Variants in MCM8 observed in about 807,000 individuals in gnomAD.
MCM8 encodes minichromosome maintenance 8 homologous recombination repair factor, also known as DNA helicase MCM8.
Under a neutral mutation model 98.9 loss-of-function variants are expected in MCM8, and 85 were observed. That is an observed-to-expected ratio of 0.86 (90% CI 0.72 to 1.03). The LOEUF (loss-of-function observed/expected upper bound fraction) is 1.03. MCM8 is among the 50% of genes least tolerant of loss of function. The pLI is 0.00. For missense variants in MCM8, 951 were observed against 997.8 expected (o/e 0.95, Z 0.63); for synonymous variants, 352 against 338.6 (o/e 1.04, Z -0.44).
intron 13 of MCM8, among the ~76,000 whole-genome samples, chr20:5,978,692 G>T (rs577882378): frequency 6.6e-6 from 1 of 152,088 alleles, no homozygotes; most frequent in Admixed American, 6.6e-5. Context: ...TGAGTAGCTG[G>T]GATTACAGGT....
chr20:5,994,345 A>T lies in MCM8; in HGVS notation c.2477A>T (p.Tyr826Phe), dbSNP rs1449871239. ...NFIGSLNDQG[Y>F]LLKKGPKVYQ... ...ATTGGATCACTAAATGACCAGGGTT[A>T]CCTCTTGAAAAAAGGCCCAAAAGTT... The change falls in exon 19 of 19, where the codon TAC (tyrosine) becomes TTC (phenylalanine). Residue 826 changes from tyrosine (Y) to phenylalanine (F), a missense_variant. Coordinates refer to ENST00000610722, the MANE Select transcript of MCM8 (RefSeq NM_032485.6). The T allele has an allele frequency of 4.3e-6, 7 of 1,609,806 alleles. No individual in the cohort carries two copies. Among genetic ancestry groups the T allele is most frequent in the African/African-American group, 2.7e-5 (2 of 74,568 alleles).
At chr20:5,951,731 GGTACA>G (rs533187311) in intron 1 of MCM8, among the ~76,000 whole-genome samples, 140 of 152,228 alleles carry the variant, frequency 9.2e-4, no homozygotes, top group Middle Eastern at 6.8e-3. Context: ...CTTGTAAACA[GGTACA>G]GTACCTGTCC....
intron 7 of MCM8, among the ~76,000 whole-genome samples, chr20:5,960,733 G>A (rs2089120744): frequency 6.6e-6 from 1 of 151,992 alleles, no homozygotes; most frequent in Admixed American, 6.6e-5. Flanking sequence ...GTCAGGAGTT[G>A]AAGACCAGCC....
Position 5,987,266 on chromosome 20 carries a change from G to T in MCM8, c.2164-16G>T, listed in dbSNP as rs201764220. The T allele has an allele frequency of 1.4e-3, 2,262 of 1,608,828 alleles. 4 individuals are homozygous for T. The highest frequency in any genetic ancestry group is 1.7e-3 in the Non-Finnish European group (1,965 of 1,177,146). On this transcript the variant is annotated splice_polypyrimidine_tract_variant and intron_variant, in intron 16 of 18. Coordinates refer to ENST00000610722, the MANE Select transcript of MCM8 (RefSeq NM_032485.6). The stretch of plus-strand genomic sequence containing the variant: ...ATTCATCTTTCGTCATCTGAAAATG[G>T]TGTTTTCTTTTAAAGGCACGAGCAA...
chr20:5,983,249 G>C, intron 14 of MCM8, 84 bp downstream of exon 14: 2 of 1,171,580 alleles, frequency 1.7e-6, no homozygotes, highest in South Asian at 3.3e-5. Context: ...CAGAACTACA[G>C]GGGAAAAACA....
intron 11 of MCM8, chr20:5,972,680 G>C (rs1290748799): frequency 7.3e-6 from 8 of 1,101,954 alleles, no homozygotes; most frequent in Non-Finnish European, 9.8e-6. Flanking sequence ...TCAGCCTGCC[G>C]AGTAGCTGGG....
chr20:5,953,482 A>AT (rs542571484), intron 3 of MCM8, among the ~76,000 whole-genome samples: 13 of 138,024 alleles, frequency 9.4e-5, no homozygotes, highest in Middle Eastern at 3.7e-3. Context: ...CATACTTTTT[A>AT]TTTTTTTTTG....
chr20:5,982,113 A>G (rs1296230150), intron 13 of MCM8, among the ~76,000 whole-genome samples: 6 of 152,190 alleles, frequency 3.9e-5, no homozygotes, highest in Non-Finnish European at 7.3e-5. Flanking sequence ...AATAAACTAA[A>G]GGCACTGTAT....
At chr20:5,975,289 T>G (rs1365944367) in intron 12 of MCM8, among the ~76,000 whole-genome samples, 2 of 151,752 alleles carry the variant, frequency 1.3e-5, no homozygotes, top group Non-Finnish European at 2.9e-5. Flanking sequence ...ACATTATGTT[T>G]AGAATATGTA....
chr20:5,988,596 T>C (rs898711853), intron 17 of MCM8, among the ~76,000 whole-genome samples: 34 of 152,336 alleles, frequency 2.2e-4, no homozygotes, highest in African/African-American at 7.9e-4. Flanking sequence ...TTTTTCCCCT[T>C]TGTAGACAAA....
At position 5,995,085 on chromosome 20, in the gene MCM8, A is replaced by G. The variant is rs1332774458; in HGVS notation, c.*694A>G. The G allele has an allele frequency of 6.4e-6, 1 of 156,342 alleles. No individual in the cohort carries two copies. The highest frequency in any genetic ancestry group is 1.4e-5 in the Non-Finnish European group (1 of 70,492). 9.7% of individuals were successfully genotyped at this position (156,342 alleles called of 1,614,324 possible). A position where few individuals can be genotyped will look rare whatever the true frequency, so the allele number is the denominator to read the frequency against. On this transcript the variant is annotated 3_prime_UTR_variant, in exon 19 of 19. Transcript: ENST00000610722. ...CAGATGTAGGCATACAGACAAATAC[A>G]TAAACCAATGAATATATTACATATT...
At chr20:5,980,204 T>C (rs543259641) in intron 13 of MCM8, among the ~76,000 whole-genome samples, 30 of 152,272 alleles carry the variant, frequency 2.0e-4, no homozygotes, top group African/African-American at 7.2e-4. Flanking sequence ...TAGCAGACCT[T>C]ATTTTCCTTA....
intron 17 of MCM8, among the ~76,000 whole-genome samples, chr20:5,990,242 T>A (rs1255727413): frequency 6.6e-6 from 1 of 151,962 alleles, no homozygotes; most frequent in African/African-American, 2.4e-5. Flanking sequence ...GCCCAGCTAA[T>A]TTTTTTGTAT....
intron 17 of MCM8, among the ~76,000 whole-genome samples, chr20:5,989,208 C>G (rs79871529): frequency 0.011 from 1,637 of 151,036 alleles, 30 homozygotes; most frequent in African/African-American, 0.036. Context: ...CCTGCGCCCC[C>G]TGGGTTCAAG....
Position 5,995,421 on chromosome 20 carries a change from A to G in MCM8, c.*1030A>G, listed in dbSNP as rs1165562582. ...TTGGACTAAGGAAGAAGCTGCTGAC[A>G]CTCCACTGCCACACAGGGCACTGGA... On this transcript the variant is annotated 3_prime_UTR_variant, in exon 19 of 19. Transcript: ENST00000610722. 2 of 152,174 alleles carry G rather than the reference A, an allele frequency of 1.3e-5. No homozygotes were observed. The highest frequency in any genetic ancestry group is 3.9e-4 in the East Asian group (2 of 5,176). 9.4% of individuals were successfully genotyped at this position (152,174 alleles called of 1,614,324 possible).
chr20:5,980,551 A>G (rs1028364078), intron 13 of MCM8, among the ~76,000 whole-genome samples: 2 of 152,222 alleles, frequency 1.3e-5, no homozygotes, highest in Admixed American at 1.3e-4. Flanking sequence ...GATGATACTC[A>G]TGAAACCATG....
chr20:5,952,029 A>T lies in MCM8; in HGVS notation c.14A>T (p.Tyr5Phe), dbSNP rs756769384. 1.5e-5 allele frequency: 24 copies of T among 1,613,664 alleles called. No homozygotes were observed. The highest frequency in any genetic ancestry group is 1.9e-5 in the Non-Finnish European group (23 of 1,179,726). MNGE[Y>F]RGRGFGRGRF... is the part of the protein sequence containing the mutation. ...CTTTTAGGAGAGATGAATGGAGAGTATAGAGGCAGAGGATTTGGACGAGGA... is the reference window on the plus strand; with the variant it reads ...CTTTTAGGAGAGATGAATGGAGAGTTTAGAGGCAGAGGATTTGGACGAGGA... The change falls in exon 2 of 19, where the codon TAT becomes TTT. Residue 5 changes from tyrosine to phenylalanine, a missense_variant. Transcript: ENST00000610722.
intron 13 of MCM8, among the ~76,000 whole-genome samples, chr20:5,980,283 C>T (rs1226149689): frequency 6.6e-6 from 1 of 152,110 alleles, no homozygotes; most frequent in African/African-American, 2.4e-5. Context: ...ATTGCCTGGA[C>T]CCCCTATTGG....
chr20:5,954,905 A>T (rs2088933616), intron 4 of MCM8, among the ~76,000 whole-genome samples, 197 bp from the exon 5 acceptor site: 1 of 152,176 alleles, frequency 6.6e-6, no homozygotes, highest in South Asian at 2.1e-4. Flanking sequence ...ACCTCAAAGG[A>T]TTGTTAAGAG....
Sources: gnomAD v4.1 joint callset for allele counts (sites outside exome capture counted in the v4.1 genomes callset) on GRCh38, gnomAD v4.1.1 for gene constraint, MANE v1.5 for transcripts, NCBI Gene and HGNC (gene_info 2026-07-23, HGNC 2026-07-21) for gene names.